CERS3: variants seen among roughly 807,000 people sequenced by gnomAD.
The protein encoded by CERS3 is ceramide synthase 3, also known as LAG1 homolog, ceramide synthase 3.
CERS3 carries 33 observed loss-of-function variants against 50.3 expected under a neutral mutation model. That is an observed-to-expected ratio of 0.66 (90% CI 0.50 to 0.88). The LOEUF is 0.88. CERS3 is among the 40% of genes least tolerant of loss of function. The pLI is 0.00. For synonymous variants in CERS3, 176 were observed against 155.2 expected (o/e 1.13, Z -0.99); for missense variants, 470 against 460.3 (o/e 1.02, Z -0.19).
chr15:100,489,118 T>C (rs1341170813), intron 4 of CERS3, among the ~76,000 whole-genome samples: 1 of 152,214 alleles, frequency 6.6e-6, no homozygotes, highest in Non-Finnish European at 1.5e-5. Flanking sequence ...CAAAATTCTG[T>C]CTTTATTAAA....
rs1346415421 is a variant in CERS3 at position 100,402,406 on chromosome 15, A to T, written c.*307T>A. The T allele has an allele frequency of 3.1e-6, 1 of 318,522 alleles. No individual in the cohort carries two copies. Among genetic ancestry groups the T allele is most frequent in the Non-Finnish European group, 5.8e-6 (1 of 172,574 alleles). The allele number at this position is 318,522 out of a possible 1,614,324, so 19.7% of individuals were successfully genotyped here. ...AGGTGGCGAGGCGAAAGGGTCTATA[A>T]CAAAGCGAGCCCCTGAGAAAGTGAC... is the stretch of plus-strand genomic sequence containing the variant. On this transcript the variant is annotated 3_prime_UTR_variant, in exon 12 of 12. Coordinates refer to ENST00000679737, the MANE Select transcript of CERS3 (RefSeq NM_001378789.1).
At chr15:100,472,749 A>C (rs1230896422) in intron 9 of CERS3, among the ~76,000 whole-genome samples, 175 bp downstream of exon 9, 1 of 152,202 alleles carries the variant, frequency 6.6e-6, no homozygotes, top group Non-Finnish European at 1.5e-5. Flanking sequence ...CAAAGTTAAA[A>C]CTAAGAGGTT....
At chr15:100,465,645 G>C (rs1481425298) in intron 10 of CERS3, among the ~76,000 whole-genome samples, 4 of 151,360 alleles carry the variant, frequency 2.6e-5, no homozygotes, top group Non-Finnish European at 5.9e-5. Context: ...AAAAGTTTTT[G>C]CTGTTGTTTT....
intron 1 of CERS3, among the ~76,000 whole-genome samples, chr15:100,537,415 A>G (rs2037100358): frequency 6.6e-6 from 1 of 152,234 alleles, no homozygotes. Flanking sequence ...TCATACTGCT[A>G]TAAAGAACTG....
intron 1 of CERS3, among the ~76,000 whole-genome samples, chr15:100,528,364 C>T (rs2036853497): frequency 6.6e-6 from 1 of 152,152 alleles, no homozygotes; most frequent in Non-Finnish European, 1.5e-5. Flanking sequence ...GCCTTTGCCA[C>T]CTGGCAAAGA....
At chr15:100,467,753 CT>C (rs1259539195) in intron 10 of CERS3, among the ~76,000 whole-genome samples, 4 of 116,154 alleles carry the variant, frequency 3.4e-5, no homozygotes, top group Non-Finnish European at 7.2e-5. Context: ...CATTCTCTCT[CT>C]CTCTCTCTCT....
intron 11 of CERS3, among the ~76,000 whole-genome samples, chr15:100,446,159 A>C (rs1227342602): frequency 6.6e-6 from 1 of 152,216 alleles, no homozygotes; most frequent in Admixed American, 6.5e-5. Context: ...CTTGTTGCTC[A>C]CACAAAGCCT....
At chr15:100,455,250 AG>A (rs1173997609) in intron 11 of CERS3, among the ~76,000 whole-genome samples, 2 of 151,454 alleles carry the variant, frequency 1.3e-5, no homozygotes, top group South Asian at 2.1e-4. Context: ...ATTTATCCCA[AG>A]GAAAAAAAAA....
chr15:100,539,024 C>T (rs866415733), intron 1 of CERS3, among the ~76,000 whole-genome samples: 1 of 152,186 alleles, frequency 6.6e-6, no homozygotes, highest in African/African-American at 2.4e-5. Flanking sequence ...AATCATCTCT[C>T]TCAAGTTCAA....
At chr15:100,530,284 C>A (rs1329897320), upstream of CERS3, among the ~76,000 whole-genome samples, 6 of 152,190 alleles carry the variant, frequency 3.9e-5, no homozygotes, top group Non-Finnish European at 8.8e-5. Context: ...TCTTTTTCTT[C>A]TGCTGATTAA....
At chr15:100,456,189 C>CAATGATATTTAA in intron 10 of CERS3, 143 bp from the exon 11 acceptor site, 1 of 516,262 alleles carries the variant, frequency 1.9e-6, no homozygotes, top group Non-Finnish European at 3.2e-6. Context: ...AGAAAAGATA[C>CAATGATATTTAA]GATAATATTA....
chr15:100,408,673 G>T (rs1283709467), intron 11 of CERS3: 1 of 152,196 alleles, frequency 6.6e-6, no homozygotes, highest in East Asian at 1.9e-4. Context: ...GAGTTTATTA[G>T]ATGGATGAAT....
At chr15:100,480,622 C>G (rs1384791234) in intron 5 of CERS3, among the ~76,000 whole-genome samples, 1 of 152,028 alleles carries the variant, frequency 6.6e-6, no homozygotes, top group African/African-American at 2.4e-5. Context: ...TTATTTAGAT[C>G]CTGATTCAAA....
At chr15:100,425,658 AGACTTTG>A (rs1402277385) in intron 11 of CERS3, among the ~76,000 whole-genome samples, 1 of 152,184 alleles carries the variant, frequency 6.6e-6, no homozygotes, top group Non-Finnish European at 1.5e-5. Context: ...GTTTCTGATA[AGACTTTG>A]GACTTTGGAC....
intron 11 of CERS3, among the ~76,000 whole-genome samples, chr15:100,447,053 T>A (rs1325955992): frequency 6.6e-6 from 1 of 152,238 alleles, no homozygotes; most frequent in Non-Finnish European, 1.5e-5. Flanking sequence ...GAAATGGCCC[T>A]ACCAAACTGT....
chr15:100,454,439 A>G (rs2034290918), intron 11 of CERS3, among the ~76,000 whole-genome samples: 2 of 152,196 alleles, frequency 1.3e-5, no homozygotes, highest in South Asian at 4.2e-4. Flanking sequence ...ATAAAAAAAT[A>G]CATACATTGG....
intron 10 of CERS3, among the ~76,000 whole-genome samples, chr15:100,462,408 AG>A (rs2034578013): frequency 6.6e-6 from 1 of 152,238 alleles, no homozygotes; most frequent in Non-Finnish European, 1.5e-5. Flanking sequence ...GAAAATTGCA[AG>A]GTAAGGGTCT....
chr15:100,483,489 G>T (rs2035378138), intron 5 of CERS3, among the ~76,000 whole-genome samples: 1 of 152,224 alleles, frequency 6.6e-6, no homozygotes, highest in Non-Finnish European at 1.5e-5. Context: ...TCTCCAGCCT[G>T]AACTCTGGAA....
chr15:100,530,168 C>G (rs969407917), upstream of CERS3, among the ~76,000 whole-genome samples: 6 of 152,250 alleles, frequency 3.9e-5, no homozygotes. Context: ...AGGCTCAGTT[C>G]AGGTCTGCCT....
Sources: gnomAD v4.1 joint callset for allele counts (sites outside exome capture counted in the v4.1 genomes callset) on GRCh38, gnomAD v4.1.1 for gene constraint, MANE v1.5 for transcripts, NCBI Gene and HGNC (gene_info 2026-07-23, HGNC 2026-07-21) for gene names.